Variants in TRPM1 observed in about 807,000 individuals in gnomAD.
The protein encoded by TRPM1 is TRPM1-203 APA Isoform, Intron 10.
TRPM1 carries 113 observed loss-of-function variants against 149.4 expected under a neutral mutation model. The ratio of observed to expected loss-of-function variants is 0.76; its 90% confidence interval spans 0.65 to 0.88. The LOEUF is 0.88. Among genes scored for constraint, TRPM1 ranks in the 40% least tolerant of loss-of-function variants. TRPM1 has a pLI of 0.00. For missense variants in TRPM1, 1,976 were observed against 2,038.7 expected, an observed-to-expected ratio of 0.97 and a Z score of 0.59; for synonymous variants, 741 against 759.5, an observed-to-expected ratio of 0.98 and a Z score of 0.40.
chr15:31,070,495 C>T, intron 3 of TRPM1: 1 of 680,918 alleles, frequency 1.5e-6, no homozygotes, highest in Non-Finnish European at 2.7e-6. Context: ...GTCTTGATAA[C>T]ATCAGTATAA....
At chr15:31,144,964 C>T (rs1458533953) in intron 1 of TRPM1, among the ~76,000 whole-genome samples, 1 of 152,162 alleles carries the variant, frequency 6.6e-6, no homozygotes, top group East Asian at 1.9e-4. Flanking sequence ...AATCTGCCTG[C>T]CTCAGCCTCC....
chr15:31,151,003 T>C (rs1011895566), intron 1 of TRPM1, among the ~76,000 whole-genome samples: 2 of 152,172 alleles, frequency 1.3e-5, no homozygotes, highest in African/African-American at 4.8e-5. Context: ...GCAAATAAGA[T>C]GCCCAGCCCA....
chr15:31,141,890 C>A (rs1196154823), intron 1 of TRPM1, among the ~76,000 whole-genome samples: 1 of 152,102 alleles, frequency 6.6e-6, no homozygotes, highest in Non-Finnish European at 1.5e-5. Context: ...AAGGCCAGTG[C>A]CCTGAAGCCA....
At chr15:31,118,546 G>T (rs71474646) in intron 1 of TRPM1, among the ~76,000 whole-genome samples, 31,718 of 152,084 alleles carry the variant, frequency 0.21, 3,919 homozygotes, top group African/African-American at 0.32. Flanking sequence ...AGTTTGGGCT[G>T]CTATAAGAGA....
chr15:31,145,349 C>G (rs1203118519), intron 1 of TRPM1, among the ~76,000 whole-genome samples: 1 of 152,146 alleles, frequency 6.6e-6, no homozygotes, highest in Non-Finnish European at 1.5e-5. Flanking sequence ...TGACTCTTAC[C>G]CCTTTTAATT....
intron 13 of TRPM1, among the ~76,000 whole-genome samples, chr15:31,048,927 T>A (rs1467647103): frequency 6.6e-6 from 1 of 152,150 alleles, no homozygotes; most frequent in Non-Finnish European, 1.5e-5. Flanking sequence ...TATATTGTAA[T>A]AATATAAGCC....
chr15:31,043,525 G>C (rs1261459045), intron 16 of TRPM1, among the ~76,000 whole-genome samples: 1 of 152,038 alleles, frequency 6.6e-6, no homozygotes, highest in Non-Finnish European at 1.5e-5. Flanking sequence ...ATCATAATGA[G>C]CTGTGATAAC....
At chr15:31,148,274 C>T (rs1056709794) in intron 1 of TRPM1, among the ~76,000 whole-genome samples, 10 of 152,294 alleles carry the variant, frequency 6.6e-5, no homozygotes, top group East Asian at 5.8e-4. Context: ...CAGCAGGACC[C>T]GGCTCCTTGA....
At chr15:31,028,205 G>A (rs1774663484) in intron 25 of TRPM1, 127 bp downstream of exon 25, 2 of 1,190,568 alleles carry the variant, frequency 1.7e-6, no homozygotes, top group Non-Finnish European at 2.5e-6. Context: ...GCAAAAATTG[G>A]ATCTACTTAA....
At chr15:31,145,041 A>G (rs1156392863) in intron 1 of TRPM1, among the ~76,000 whole-genome samples, 3 of 152,036 alleles carry the variant, frequency 2.0e-5, no homozygotes, top group African/African-American at 4.8e-5. Context: ...AGTTTTTATT[A>G]TCTGTCTGTA....
intron 1 of TRPM1, among the ~76,000 whole-genome samples, chr15:31,095,401 A>G (rs2035349561): frequency 6.6e-6 from 1 of 152,176 alleles, no homozygotes; most frequent in Admixed American, 6.6e-5. Context: ...ATTTAAAAAT[A>G]TGGCTGGGCA....
chr15:31,005,614 T>C (rs1595971236), intron 27 of TRPM1, among the ~76,000 whole-genome samples: 1 of 152,252 alleles, frequency 6.6e-6, no homozygotes, highest in East Asian at 1.9e-4. Context: ...AGTTGCTTGT[T>C]TGGAGCTTGT....
At chr15:31,118,475 A>T (rs2035832515) in intron 1 of TRPM1, among the ~76,000 whole-genome samples, 1 of 152,136 alleles carries the variant, frequency 6.6e-6, no homozygotes, top group Admixed American at 6.5e-5. Flanking sequence ...ATCGTGTTCA[A>T]ACTATAGAAA....
chr15:31,061,604 C>G (rs562993013), intron 9 of TRPM1, 90 bp from the exon 10 acceptor site: 3 of 1,057,890 alleles, frequency 2.8e-6, no homozygotes, highest in Non-Finnish European at 2.9e-6. Context: ...GAGACTGACA[C>G]GTAATAAAAT....
chr15:31,030,626 C>G (rs2033024552), intron 23 of TRPM1, among the ~76,000 whole-genome samples: 1 of 152,204 alleles, frequency 6.6e-6, no homozygotes, highest in South Asian at 2.1e-4. Flanking sequence ...TTACTCTGCT[C>G]TGTTCACTAG....
chr15:31,077,563 C>G (rs1316662978), intron 2 of TRPM1, among the ~76,000 whole-genome samples: 1 of 152,064 alleles, frequency 6.6e-6, no homozygotes, highest in East Asian at 1.9e-4. Context: ...GCAGAGAGAG[C>G]TGGGGAGAGC....
At chr15:31,097,781 A>AC (rs1194302763) in intron 1 of TRPM1, among the ~76,000 whole-genome samples, 3 of 152,124 alleles carry the variant, frequency 2.0e-5, no homozygotes, top group Non-Finnish European at 4.4e-5. Flanking sequence ...CGCATGGTAG[A>AC]CCCTGGCTAC....
chr15:31,160,955 C>G (rs2036437195), exon 1 of TRPM1: 1 of 1,535,410 alleles, frequency 6.5e-7, no homozygotes, highest in Non-Finnish European at 8.7e-7. Flanking sequence ...CTTGAAGGAG[C>G]TCATCTCTCT....
At chr15:31,134,857 G>C (rs1474837449) in intron 1 of TRPM1, among the ~76,000 whole-genome samples, 1 of 152,182 alleles carries the variant, frequency 6.6e-6, no homozygotes, top group African/African-American at 2.4e-5. Flanking sequence ...CAAAAAATTA[G>C]CTGGGTGTGG....
Sources: allele counts gnomAD v4.1 joint callset (sites outside exome capture counted in the v4.1 genomes callset), GRCh38; gene constraint gnomAD v4.1.1; transcripts MANE v1.5; gene names NCBI Gene and HGNC (gene_info 2026-07-23, HGNC 2026-07-21).